Variants in MAF observed in about 807,000 individuals in gnomAD.
MAF encodes transcription factor Maf.
In MAF, 10 loss-of-function variants were observed where a neutral mutation model predicts 22.0. That is an observed-to-expected ratio of 0.45 (90% CI 0.28 to 0.77). MAF has a LOEUF of 0.77. Ranked by LOEUF, MAF falls within the 30% of genes least tolerant of loss-of-function variation. The pLI is 0.12. For missense variants in MAF, 544 were observed against 548.4 expected, an observed-to-expected ratio of 0.99 and a Z score of 0.08; for synonymous variants, 337 against 255.8, an observed-to-expected ratio of 1.32 and a Z score of -3.03.
At chr16:79,564,839 G>A in the MAF span, among the ~76,000 whole-genome samples, 163 of 152,292 alleles carry the variant, frequency 1.1e-3, 1 homozygote, top group African/African-American at 3.8e-3. Flanking sequence ...CCTGACAATT[G>A]CAGCCTATTA....
At chr16:79,348,434 G>T in the MAF span, among the ~76,000 whole-genome samples, 1 of 152,116 alleles carries the variant, frequency 6.6e-6, no homozygotes, top group Admixed American at 6.5e-5. Context: ...CAGGATACGG[G>T]GTCCATTTCC....
At chr16:79,292,842 G>A in the MAF span, among the ~76,000 whole-genome samples, 14 of 152,144 alleles carry the variant, frequency 9.2e-5, no homozygotes, top group Non-Finnish European at 1.6e-4. Flanking sequence ...CAATTATAAT[G>A]CATTAGCATG....
chr16:79,433,198 T>C, the MAF span, among the ~76,000 whole-genome samples: 2 of 151,844 alleles, frequency 1.3e-5, no homozygotes, highest in African/African-American at 4.8e-5. Context: ...TGTCATTATT[T>C]ATACTCCTTT....
chr16:79,285,373 T>G, the MAF span, among the ~76,000 whole-genome samples: 1 of 152,172 alleles, frequency 6.6e-6, no homozygotes, highest in Admixed American at 6.5e-5. Flanking sequence ...GACCTAGAAT[T>G]AGGGCTTCCT....
At chr16:79,336,394 C>A in the MAF span, among the ~76,000 whole-genome samples, 1 of 151,890 alleles carries the variant, frequency 6.6e-6, no homozygotes, top group African/African-American at 2.4e-5. Flanking sequence ...AAGAACAGAG[C>A]CAGGGTTTGA....
chr16:79,288,518 C>G, the MAF span, among the ~76,000 whole-genome samples: 1 of 152,174 alleles, frequency 6.6e-6, no homozygotes, highest in Non-Finnish European at 1.5e-5. Flanking sequence ...AAAGCAAAGT[C>G]ACCTCTGCTG....
At chr16:79,207,905 C>G in the MAF span, among the ~76,000 whole-genome samples, 8 of 152,132 alleles carry the variant, frequency 5.3e-5, no homozygotes, top group South Asian at 1.7e-3. Flanking sequence ...TAGCAGTTAT[C>G]AAATGAATGT....
the MAF span, among the ~76,000 whole-genome samples, chr16:79,357,579 G>A: frequency 2.6e-5 from 4 of 152,282 alleles, no homozygotes; most frequent in African/African-American, 9.6e-5. Context: ...GGGAAAGTTT[G>A]CAGTTACTGG....
chr16:79,222,407 C>T, the MAF span, among the ~76,000 whole-genome samples: 4 of 152,130 alleles, frequency 2.6e-5, no homozygotes, highest in African/African-American at 7.2e-5. Flanking sequence ...AGACCATCAA[C>T]ACTATGAAGA....
At chr16:79,207,531 A>G in the MAF span, among the ~76,000 whole-genome samples, 161 of 152,312 alleles carry the variant, frequency 1.1e-3, 1 homozygote, top group South Asian at 5.0e-3. Flanking sequence ...TTGCTGTGCA[A>G]TGTCCCTGTA....
the MAF span, among the ~76,000 whole-genome samples, chr16:79,580,327 C>T: frequency 7.9e-5 from 12 of 152,126 alleles, no homozygotes; most frequent in Non-Finnish European, 1.5e-4. Flanking sequence ...ACCAAGTGAT[C>T]AAAGATCAGA....
chr16:79,225,636 G>A, the MAF span, among the ~76,000 whole-genome samples: 1 of 152,152 alleles, frequency 6.6e-6, no homozygotes, highest in East Asian at 1.9e-4. Context: ...ATCTGACAAA[G>A]GGCTAATATC....
At chr16:79,534,441 C>T in the MAF span, among the ~76,000 whole-genome samples, 389 of 152,124 alleles carry the variant, frequency 2.6e-3, 2 homozygotes, top group African/African-American at 8.4e-3. Context: ...AATGCAATGC[C>T]CCAAAGCTAA....
chr16:79,577,312 G>C, the MAF span, among the ~76,000 whole-genome samples: 9,975 of 152,196 alleles, frequency 0.066, 455 homozygotes, highest in Middle Eastern at 0.13. Context: ...GTGCTGAGGT[G>C]AAAAACGGGC....
At chr16:79,452,876 C>A in the MAF span, among the ~76,000 whole-genome samples, 1 of 152,134 alleles carries the variant, frequency 6.6e-6, no homozygotes, top group East Asian at 1.9e-4. Context: ...ATGAAAGAAC[C>A]TGTGCCCCTG....
the MAF span, among the ~76,000 whole-genome samples, chr16:79,447,645 A>T: frequency 0.093 from 14,081 of 152,200 alleles, 762 homozygotes; most frequent in African/African-American, 0.14. Context: ...TTTGTGATTC[A>T]TGGAGGGAGA....
At chr16:79,429,787 G>A in the MAF span, among the ~76,000 whole-genome samples, 1 of 152,104 alleles carries the variant, frequency 6.6e-6, no homozygotes, top group African/African-American at 2.4e-5. Context: ...CAGTTTATTG[G>A]ACCTGTGCTT....
chr16:79,389,683 A>G, the MAF span, among the ~76,000 whole-genome samples: 6 of 152,102 alleles, frequency 3.9e-5, no homozygotes, highest in African/African-American at 1.4e-4. Flanking sequence ...TTGCCATCAA[A>G]TCCTTAGATC....
At chr16:79,589,752 G>A (rs1439984705), downstream of MAF, among the ~76,000 whole-genome samples, 3 of 152,290 alleles carry the variant, frequency 2.0e-5, no homozygotes, top group African/African-American at 7.2e-5. Flanking sequence ...CAGTCCTTTT[G>A]ACTTTTTAAA....
Sources: allele counts gnomAD v4.1 joint callset (sites outside exome capture counted in the v4.1 genomes callset), GRCh38; gene constraint gnomAD v4.1.1; transcripts MANE v1.5; gene names NCBI Gene and HGNC (gene_info 2026-07-23, HGNC 2026-07-21).